ULK4: variants seen among roughly 807,000 people sequenced by gnomAD.
The protein encoded by ULK4 is inactive serine/threonine-protein kinase ULK4.
ULK4 carries 133 observed loss-of-function variants against 160.6 expected under a neutral mutation model. That is an observed-to-expected ratio of 0.83 (90% CI 0.72 to 0.96). The LOEUF (loss-of-function observed/expected upper bound fraction) is 0.96, where lower values mean the gene tolerates loss of function less well. Ranked by LOEUF, ULK4 falls within the 40% of genes least tolerant of loss-of-function variation. The probability of loss-of-function intolerance (pLI) is 0.00; values close to 1 mark genes in which losing one functional copy is unlikely to be tolerated. For synonymous variants in ULK4, 534 were observed against 539.8 expected, an observed-to-expected ratio of 0.99 and a Z score of 0.15; for missense variants, 1,580 against 1,499.5, an observed-to-expected ratio of 1.05 and a Z score of -0.89.
chr3:41,915,994 T>C lies in ULK4; in HGVS notation c.786A>G (p.Gln262=). 2 of 1,589,558 alleles carry C rather than the reference T, an allele frequency of 1.3e-6. No individual in the cohort carries two copies. The highest frequency in any genetic ancestry group is 2.7e-5 in the African/African-American group (2 of 73,596). The change falls in exon 8 of 37, where the codon CAA becomes CAG. Residue 262 remains glutamine, a synonymous_variant. Transcript: ENST00000301831. The part of the protein sequence containing the change: ...DFINLLDGLL[Q]RDPQKRLTWT... ...GTCCCTACCTTTTCTGAGGATCTCT[T>C]TGAAGTAACCCATCAAGCAAATTAA...
At chr3:41,298,179 C>T (rs2079709913) in intron 35 of ULK4, among the ~76,000 whole-genome samples, 1 of 152,210 alleles carries the variant, frequency 6.6e-6, no homozygotes, top group African/African-American at 2.4e-5. Flanking sequence ...GCTTGTAAGT[C>T]TAACATATAA....
At chr3:41,769,663 T>C (rs1376874395) in intron 21 of ULK4, among the ~76,000 whole-genome samples, 2 of 151,988 alleles carry the variant, frequency 1.3e-5, no homozygotes, top group Non-Finnish European at 2.9e-5. Flanking sequence ...GATGGTATAA[T>C]GAAATATTTA....
chr3:41,672,549 G>T (rs941693596), intron 29 of ULK4, among the ~76,000 whole-genome samples: 12 of 152,152 alleles, frequency 7.9e-5, no homozygotes, highest in Non-Finnish European at 1.5e-4. Flanking sequence ...TAGGGAGGAT[G>T]TATAGGTAGA....
chr3:41,247,081 C>T, intron 36 of ULK4, 89 bp from the exon 37 acceptor site: 1 of 1,286,874 alleles, frequency 7.8e-7, no homozygotes, highest in Non-Finnish European at 1.1e-6. Flanking sequence ...TCTTTTGCAC[C>T]CGAGTATCTG....
intron 35 of ULK4, among the ~76,000 whole-genome samples, chr3:41,352,643 A>G (rs1351630420): frequency 6.6e-6 from 1 of 152,138 alleles, no homozygotes; most frequent in Admixed American, 6.6e-5. Context: ...CAAAAATAGT[A>G]AACACCATAC....
At chr3:41,364,724 A>C (rs2081220044) in intron 35 of ULK4, among the ~76,000 whole-genome samples, 1 of 152,178 alleles carries the variant, frequency 6.6e-6, no homozygotes, top group African/African-American at 2.4e-5. Flanking sequence ...ACAAACAAAC[A>C]CAAATTGGAG....
chr3:41,869,771 T>C (rs1251269883), intron 17 of ULK4, among the ~76,000 whole-genome samples: 3 of 152,234 alleles, frequency 2.0e-5, no homozygotes, highest in Non-Finnish European at 4.4e-5. Flanking sequence ...TAACAAGTTA[T>C]GAAAAATTGT....
At chr3:41,525,006 C>T (rs955437323) in intron 32 of ULK4, among the ~76,000 whole-genome samples, 13 of 152,006 alleles carry the variant, frequency 8.6e-5, no homozygotes, top group African/African-American at 1.7e-4. Flanking sequence ...GAGATAAAGA[C>T]GGTTAACCAA....
chr3:41,438,284 T>C (rs928403786), intron 34 of ULK4, among the ~76,000 whole-genome samples: 1 of 152,166 alleles, frequency 6.6e-6, no homozygotes, highest in Non-Finnish European at 1.5e-5. Context: ...CATATAACTT[T>C]TTTTGTAACC....
At chr3:41,539,035 GTTTTTT>G (rs11425607) in intron 32 of ULK4, among the ~76,000 whole-genome samples, 1 of 139,922 alleles carries the variant, frequency 7.1e-6, no homozygotes, top group Admixed American at 7.1e-5. Context: ...CTTTTTCTTA[GTTTTTT>G]TTTTTTTTTT....
chr3:41,390,029 A>G (rs1023100036), intron 35 of ULK4, among the ~76,000 whole-genome samples: 3 of 152,082 alleles, frequency 2.0e-5, no homozygotes, highest in African/African-American at 4.8e-5. Context: ...GTAAGCTATT[A>G]ATTATTGCCT....
intron 35 of ULK4, among the ~76,000 whole-genome samples, chr3:41,374,146 C>A (rs367891774): frequency 6.6e-6 from 1 of 151,956 alleles, no homozygotes; most frequent in Non-Finnish European, 1.5e-5. Context: ...CAGTAATTAA[C>A]AGCATTCCAA....
intron 32 of ULK4, among the ~76,000 whole-genome samples, chr3:41,523,319 C>T (rs748565888): frequency 6.6e-6 from 1 of 152,134 alleles, no homozygotes; most frequent in African/African-American, 2.4e-5. Flanking sequence ...ACATGAAGCA[C>T]GTCACTACTA....
chr3:41,874,707 A>G (rs1163534244), intron 17 of ULK4, among the ~76,000 whole-genome samples: 1 of 152,196 alleles, frequency 6.6e-6, no homozygotes, highest in Non-Finnish European at 1.5e-5. Context: ...GAGACTCACA[A>G]GTGAAGGAGG....
intron 34 of ULK4, among the ~76,000 whole-genome samples, chr3:41,436,433 A>G (rs1205124214): frequency 6.6e-6 from 1 of 152,096 alleles, no homozygotes; most frequent in East Asian, 1.9e-4. Flanking sequence ...GATACCAGGT[A>G]TTTTTCATTA....
At chr3:41,679,164 T>C (rs1308109168) in intron 29 of ULK4, among the ~76,000 whole-genome samples, 4 of 152,196 alleles carry the variant, frequency 2.6e-5, no homozygotes, top group South Asian at 2.1e-4. Flanking sequence ...ATTACTATTA[T>C]TGCCCTATTA....
chr3:41,532,940 T>C (rs893905575), intron 32 of ULK4, among the ~76,000 whole-genome samples: 6 of 152,206 alleles, frequency 3.9e-5, no homozygotes, highest in African/African-American at 1.4e-4. Context: ...TATGGCTTAG[T>C]GATTCTCTCA....
At chr3:41,554,662 A>G (rs1281820716) in intron 32 of ULK4, among the ~76,000 whole-genome samples, 1 of 152,136 alleles carries the variant, frequency 6.6e-6, no homozygotes, top group Admixed American at 6.5e-5. Flanking sequence ...TGGTGCCTAC[A>G]GTTAACAACA....
intron 21 of ULK4, among the ~76,000 whole-genome samples, chr3:41,777,311 C>T (rs1200371219): frequency 1.3e-5 from 1 of 76,958 alleles, no homozygotes; most frequent in Non-Finnish European, 2.2e-5. Flanking sequence ...ATTCTTCTCT[C>T]TTTTTTTCTT....
Sources: allele counts gnomAD v4.1 joint callset (sites outside exome capture counted in the v4.1 genomes callset), GRCh38; gene constraint gnomAD v4.1.1; transcripts MANE v1.5; gene names NCBI Gene and HGNC (gene_info 2026-07-23, HGNC 2026-07-21).